The following AKT3 variants were observed in gnomAD, a reference collection of about 807,000 sequenced individuals.
AKT3 encodes the protein AKT serine/threonine kinase 3.
A neutral mutation model predicts 65.3 loss-of-function variants in AKT3; 15 were observed. That is an observed-to-expected ratio of 0.23 (90% CI 0.15 to 0.35). The LOEUF (loss-of-function observed/expected upper bound fraction) is 0.35, where lower values mean the gene tolerates loss of function less well. AKT3 is among the 10% of genes least tolerant of loss of function. AKT3 has a pLI of 1.00. For synonymous variants in AKT3, 206 were observed against 183.8 expected, an observed-to-expected ratio of 1.12 and a Z score of -0.98; for missense variants, 243 against 576.5, an observed-to-expected ratio of 0.42 and a Z score of 5.92.
rs1669300273 is a variant in AKT3, at chr1:243,501,551, T to G, written c.*3698A>C. 8.6e-6 allele frequency: 2 copies of G among 233,142 alleles called. No individual in the cohort carries two copies. Among genetic ancestry groups the G allele is most frequent in the Admixed American group, 5.6e-5 (1 of 17,778 alleles). The allele number at this position is 233,142 out of a possible 1,614,324, so 14.4% of individuals were successfully genotyped here. A position where few individuals can be genotyped will look rare whatever the true frequency, so the allele number is the denominator to read the frequency against. On this transcript the variant is annotated 3_prime_UTR_variant, in exon 14 of 14. Coordinates refer to ENST00000673466, the MANE Select transcript of AKT3 (RefSeq NM_005465.7). ...TCAGAAGCAGCCGTTCATCAAAGTTTGCACAACCGCACTACTGCCATTTCA... is the reference window on the plus strand; with the variant it reads ...TCAGAAGCAGCCGTTCATCAAAGTTGGCACAACCGCACTACTGCCATTTCA...
chr1:243,766,562 A>G (rs1689838881), intron 2 of AKT3, among the ~76,000 whole-genome samples: 2 of 152,186 alleles, frequency 1.3e-5, no homozygotes, highest in Admixed American at 1.3e-4. Flanking sequence ...ACAATGTCTC[A>G]TGTTCTATGG....
chr1:243,607,024 C>T (rs904352571), intron 8 of AKT3, among the ~76,000 whole-genome samples: 2 of 152,244 alleles, frequency 1.3e-5, no homozygotes, highest in African/African-American at 4.8e-5. Context: ...TTGGGAACCT[C>T]CACCTAGATT....
chr1:243,772,711 C>T (rs1343157251), intron 2 of AKT3, among the ~76,000 whole-genome samples: 1 of 152,158 alleles, frequency 6.6e-6, no homozygotes, highest in African/African-American at 2.4e-5. Flanking sequence ...GAATATAAAT[C>T]ATGCTGCTAT....
chr1:243,514,221 C>T (rs999792257), intron 12 of AKT3, among the ~76,000 whole-genome samples: 1 of 152,130 alleles, frequency 6.6e-6, no homozygotes, highest in African/African-American at 2.4e-5. Flanking sequence ...GTTTGCTCAC[C>T]TCTGCCCCAT....
intron 4 of AKT3, 113 bp downstream of exon 4, chr1:243,664,659 T>C (rs535589749): frequency 1.4e-4 from 51 of 353,254 alleles, no homozygotes; most frequent in Non-Finnish European, 1.8e-4. Flanking sequence ...TTAGAGACTA[T>C]AGCATTTAAA....
Position 243,619,476 on chromosome 1 carries a change from C to CAGTGAT in AKT3, c.562-4316_562-4315insATCACT, listed in dbSNP as rs1224219140. On this transcript the variant is annotated intron_variant, in intron 6 of 13. Transcript: ENST00000673466. ...TCTTATTACAACTGTACTTCTGTAC[C>CAGTGAT]TATTAATCAACTCCATCTCCCCATC... Among the ~76,000 whole-genome samples the CAGTGAT allele has an allele frequency of 1.5e-4, 6 of 40,732 alleles. 2 individuals are homozygous for CAGTGAT. Among genetic ancestry groups the CAGTGAT allele is most frequent in the Non-Finnish European group, 7.1e-4 (5 of 7,002 alleles). 26.7% of individuals were successfully genotyped at this position (40,732 alleles called of 152,430 possible).
rs1261183695 is a variant in AKT3 at position 243,501,105 on chromosome 1, C to CT, written c.*4143_*4144insA. The CT allele has an allele frequency of 8.7e-6, 2 of 231,164 alleles. No homozygotes were observed. The highest frequency in any genetic ancestry group is 4.4e-5 in the African/African-American group (2 of 45,224). The allele number at this position is 231,164 out of a possible 1,614,324, so 14.3% of individuals were successfully genotyped here. A position where few individuals can be genotyped will look rare whatever the true frequency, so the allele number is the denominator to read the frequency against. On this transcript the variant is annotated 3_prime_UTR_variant, in exon 14 of 14. Coordinates refer to ENST00000673466, the MANE Select transcript of AKT3 (RefSeq NM_005465.7). ...AATTTGGCCGTGTGACATACACATA[C>CT]ATGCTTGACTCACTCTGGTCCCAAA...
rs1669292345 is a variant in AKT3, at chr1:243,501,458, ACCT to A, written c.*3788_*3790del. 2 of 233,072 alleles carry A rather than the reference ACCT, an allele frequency of 8.6e-6. No homozygotes were observed. The highest frequency in any genetic ancestry group is 1.2e-4 in the East Asian group (2 of 16,556). The allele number at this position is 233,072 out of a possible 1,614,324, so 14.4% of individuals were successfully genotyped here. A position where few individuals can be genotyped will look rare whatever the true frequency, so the allele number is the denominator to read the frequency against. ...GGTCTGAATGTCCCCAGGGTCTGAG[ACCT>A]CCTTCATCCCTGGCTTCACAGTACA... On this transcript the variant is annotated 3_prime_UTR_variant, in exon 14 of 14. Transcript: ENST00000673466.
At chr1:243,707,296 G>A (rs1386972929) in intron 2 of AKT3, among the ~76,000 whole-genome samples, 1 of 152,090 alleles carries the variant, frequency 6.6e-6, no homozygotes, top group Non-Finnish European at 1.5e-5. Context: ...CTGAGCAAAG[G>A]AGGTATTGAT....
intron 12 of AKT3, among the ~76,000 whole-genome samples, chr1:243,530,781 T>C (rs1350607741): frequency 1.3e-5 from 2 of 152,002 alleles, no homozygotes; most frequent in Non-Finnish European, 2.9e-5. Context: ...CTAGAATAAC[T>C]GAAAAAGAGA....
chr1:243,720,429 T>TAA (rs66716743), intron 2 of AKT3, among the ~76,000 whole-genome samples: 2,064 of 95,948 alleles, frequency 0.022, 58 homozygotes, highest in African/African-American at 0.092. Flanking sequence ...AAAGACATAG[T>TAA]AAAAAAAAAA....
At chr1:243,761,033 GGTCA>G (rs950819699) in intron 2 of AKT3, among the ~76,000 whole-genome samples, 7 of 152,116 alleles carry the variant, frequency 4.6e-5, no homozygotes, top group African/African-American at 1.2e-4. Context: ...TAGAGCAATG[GGTCA>G]GTATCTGTGG....
chr1:243,715,188 TG>T (rs1266488972), intron 2 of AKT3, among the ~76,000 whole-genome samples: 1 of 152,016 alleles, frequency 6.6e-6, no homozygotes, highest in Non-Finnish European at 1.5e-5. Flanking sequence ...CCCAGGAAAT[TG>T]GGCATAATTA....
chr1:243,633,385 G>A (rs1207427693), intron 6 of AKT3, among the ~76,000 whole-genome samples: 1 of 152,112 alleles, frequency 6.6e-6, no homozygotes, highest in Non-Finnish European at 1.5e-5. Context: ...AGTTTGTGTT[G>A]TAATACCACT....
intron 12 of AKT3, among the ~76,000 whole-genome samples, chr1:243,526,556 C>T (rs1671094528): frequency 6.6e-6 from 1 of 151,978 alleles, no homozygotes; most frequent in African/African-American, 2.4e-5. Context: ...GTCTAGTCAA[C>T]TGACATATTA....
At chr1:243,726,042 ATTAATGTCTGGAATTTCATACCTCCAAC>A (rs2148128215) in intron 2 of AKT3, among the ~76,000 whole-genome samples, 2 of 86,660 alleles carry the variant, frequency 2.3e-5, no homozygotes, top group East Asian at 8.9e-4. Context: ...TGCCTCCAAC[ATTAATGTCTGGAATTTCATACCTCCAAC>A]ATTAATGTCT....
chr1:243,839,808 TTTA>T (rs929225172), intron 2 of AKT3, among the ~76,000 whole-genome samples: 2 of 151,804 alleles, frequency 1.3e-5, no homozygotes, highest in African/African-American at 2.4e-5. Flanking sequence ...ATATTATAAC[TTTA>T]TTATATCAAT....
At chr1:243,657,898 A>G (rs1192978632) in intron 4 of AKT3, among the ~76,000 whole-genome samples, 1 of 152,186 alleles carries the variant, frequency 6.6e-6, no homozygotes, top group Non-Finnish European at 1.5e-5. Flanking sequence ...TGGAAATATA[A>G]TGCTGCTGAG....
chr1:243,834,479 C>T (rs913152014), intron 2 of AKT3, among the ~76,000 whole-genome samples: 3 of 152,052 alleles, frequency 2.0e-5, no homozygotes, highest in Middle Eastern at 6.8e-3. Flanking sequence ...AATGTATACT[C>T]GATGTTTCAA....
Sources: gnomAD v4.1 joint callset for allele counts (sites outside exome capture counted in the v4.1 genomes callset) on GRCh38, gnomAD v4.1.1 for gene constraint, MANE v1.5 for transcripts, NCBI Gene and HGNC (gene_info 2026-07-23, HGNC 2026-07-21) for gene names.